Variants in MYO1H observed in about 807,000 individuals in gnomAD.
The protein encoded by MYO1H is unconventional myosin-Ih.
In MYO1H, 118 loss-of-function variants were observed where a neutral mutation model predicts 149.3. That is an observed-to-expected ratio of 0.79 (90% CI 0.68 to 0.92). The LOEUF (loss-of-function observed/expected upper bound fraction) is 0.92, where lower values mean the gene tolerates loss of function less well. MYO1H is among the 40% of genes least tolerant of loss of function. The probability of loss-of-function intolerance (pLI) is 0.00; values close to 1 mark genes in which losing one functional copy is unlikely to be tolerated. For synonymous variants in MYO1H, 447 were observed against 465.2 expected, an observed-to-expected ratio of 0.96 and a Z score of 0.50; for missense variants, 1,212 against 1,280.7, an observed-to-expected ratio of 0.95 and a Z score of 0.82.
At chr12:109,353,387 C>A (rs1868506567) in intron 1 of MYO1H, among the ~76,000 whole-genome samples, 1 of 45,598 alleles carries the variant, frequency 2.2e-5, no homozygotes, top group Non-Finnish European at 3.8e-5. Flanking sequence ...GAGCGAGACT[C>A]CGTCTCAAAA....
intron 1 of MYO1H, among the ~76,000 whole-genome samples, chr12:109,365,542 G>C (rs748664910): frequency 6.6e-6 from 1 of 152,196 alleles, no homozygotes; most frequent in Non-Finnish European, 1.5e-5. Context: ...AGCTTGGTTG[G>C]AGGCTGGTTG....
At chr12:109,422,848 T>C (rs11066543) in intron 16 of MYO1H, among the ~76,000 whole-genome samples, 26,953 of 151,946 alleles carry the variant, frequency 0.18, 2,808 homozygotes, top group African/African-American at 0.29. Context: ...CCGAGGTGGG[T>C]GGATCGCTTG....
chr12:109,392,641 G>A (rs976455319), intron 2 of MYO1H, among the ~76,000 whole-genome samples: 6 of 151,708 alleles, frequency 4.0e-5, no homozygotes, highest in African/African-American at 1.5e-4. Flanking sequence ...ACTTGAACCT[G>A]GGAGGCAGAG....
intron 5 of MYO1H, among the ~76,000 whole-genome samples, chr12:109,398,587 A>C (rs940830893): frequency 2.0e-5 from 3 of 151,862 alleles, no homozygotes; most frequent in Non-Finnish European, 2.9e-5. Flanking sequence ...CTCTAAAAAA[A>C]AAAATACAAA....
chr12:109,407,854 G>A lies in MYO1H; in HGVS notation c.1096G>A (p.Val366Ile). 6.2e-7 allele frequency: 1 copy of A among 1,614,012 alleles called. No homozygotes were observed. The highest frequency in any genetic ancestry group is 8.5e-7 in the Non-Finnish European group (1 of 1,179,882). The change falls in exon 10 of 32, where the codon GTT (valine) becomes ATT (isoleucine). Residue 366 changes from valine to isoleucine, a missense_variant. Transcript: ENST00000310903. Reference sequence around the variant, plus strand: ...CGCTAGAGATGCAATGGCAAAGGCTGTTTATGGACGAACGTTTACTTGGCT... The same window carrying A: ...CGCTAGAGATGCAATGGCAAAGGCTATTTATGGACGAACGTTTACTTGGCT...
intron 7 of MYO1H, 117 bp from the exon 8 acceptor site, chr12:109,405,805 T>G (rs1870353595): frequency 1.4e-6 from 1 of 719,070 alleles, no homozygotes; most frequent in Admixed American, 2.3e-5. Flanking sequence ...GGTGTGGAAT[T>G]GGGACGGGGG....
intron 1 of MYO1H, among the ~76,000 whole-genome samples, chr12:109,374,904 G>A (rs1869057765): frequency 6.6e-6 from 1 of 151,730 alleles, no homozygotes; most frequent in Non-Finnish European, 1.5e-5. Flanking sequence ...GCCCAGGCTG[G>A]AGTGTAGTGG....
chr12:109,347,204 A>G (rs545291713), upstream of MYO1H, among the ~76,000 whole-genome samples: 1 of 152,274 alleles, frequency 6.6e-6, no homozygotes, highest in African/African-American at 2.4e-5. Context: ...TGGGGGCCCA[A>G]GGCATACAAT....
At chr12:109,384,088 C>A (rs973446270) in intron 1 of MYO1H, among the ~76,000 whole-genome samples, 1 of 152,168 alleles carries the variant, frequency 6.6e-6, no homozygotes, top group African/African-American at 2.4e-5. Flanking sequence ...CTTAAATAAT[C>A]GGAAGTTCTG....
chr12:109,416,113 TTTTG>T (rs1002187044), intron 15 of MYO1H, among the ~76,000 whole-genome samples: 3 of 151,938 alleles, frequency 2.0e-5, no homozygotes, highest in South Asian at 2.1e-4. Context: ...CAGCTAATTT[TTTTG>T]TTTGTTTGTT....
chr12:109,367,884 C>T (rs184819953), intron 1 of MYO1H, among the ~76,000 whole-genome samples: 49 of 151,940 alleles, frequency 3.2e-4, no homozygotes, highest in Non-Finnish European at 6.5e-4. Context: ...GACAAGGTCT[C>T]GCTTTGTCAC....
At chr12:109,409,246 C>CTTTTTTTT (rs66507410) in intron 10 of MYO1H, among the ~76,000 whole-genome samples, 238 of 47,868 alleles carry the variant, frequency 5.0e-3, no homozygotes, top group Middle Eastern at 0.013. Flanking sequence ...TCTTCTTCTT[C>CTTTTTTTT]TTTTTTTTTT....
chr12:109,416,360 G>A lies in MYO1H; in HGVS notation c.1597+740G>A, dbSNP rs948254775. On this transcript the variant is annotated intron_variant, in intron 15 of 31. Coordinates refer to ENST00000310903, the Ensembl canonical transcript of MYO1H. Reference sequence around the variant, plus strand: ...AGCTGATCTACCTTCCCTCTCTATAGATTTGACTGTTGTTGTTGGTTTTTT... The same window carrying A: ...AGCTGATCTACCTTCCCTCTCTATAAATTTGACTGTTGTTGTTGGTTTTTT... 8.8e-5 allele frequency among the ~76,000 whole-genome samples: 13 copies of A among 148,000 alleles called. 1 individual carries two copies. In the South Asian group the frequency reaches 1.9e-3, roughly 22 times the overall value.
At chr12:109,433,253 G>A (rs560028072) in intron 20 of MYO1H, among the ~76,000 whole-genome samples, 2 of 152,196 alleles carry the variant, frequency 1.3e-5, no homozygotes, top group Non-Finnish European at 2.9e-5. Flanking sequence ...TTTAGCAGAT[G>A]GGCCTCCTTG....
At position 109,388,852 on chromosome 12, in the gene MYO1H, G is replaced by C; in HGVS notation, c.174+8G>C. ...AGCGAGAACCTCATATACGTAACGT[G>C]ACCCACTTCTCAGCTGTTTTTCTAG... On this transcript the variant is annotated splice_region_variant and intron_variant, in intron 2 of 31. Transcript: ENST00000310903. 1 of 1,597,572 alleles carries C rather than the reference G, an allele frequency of 6.3e-7. No homozygotes were observed. The highest frequency in any genetic ancestry group is 8.5e-7 in the Non-Finnish European group (1 of 1,169,980).
chr12:109,403,964 C>A lies in MYO1H; in HGVS notation c.751-18C>A. On this transcript the variant is annotated intron_variant, in intron 6 of 31. Coordinates refer to ENST00000310903, the Ensembl canonical transcript of MYO1H. The stretch of plus-strand genomic sequence containing the variant: ...CCTATAAAAATGACATTAAGTGACT[C>A]AAACTTTTTGTCAACAGGGTCATTG... 6.3e-7 allele frequency: 1 copy of A among 1,593,116 alleles called. No homozygotes were observed. The highest frequency in any genetic ancestry group is 1.1e-5 in the South Asian group (1 of 89,880).
At chr12:109,443,571 C>T (rs746536246) in exon 28 of MYO1H, 4 of 1,613,842 alleles carry the variant, frequency 2.5e-6, no homozygotes, top group South Asian at 1.1e-5. Flanking sequence ...GCAGCGGCAA[C>T]TCATTCTTAC....
chr12:109,425,547 G>A (rs528405192), intron 17 of MYO1H, among the ~76,000 whole-genome samples: 1 of 152,280 alleles, frequency 6.6e-6, no homozygotes, highest in South Asian at 2.1e-4. Context: ...TCTAGTGGGA[G>A]AGAGTATAAG....
intron 14 of MYO1H, among the ~76,000 whole-genome samples, chr12:109,415,317 A>C (rs917968340): frequency 3.9e-5 from 6 of 152,044 alleles, no homozygotes; most frequent in Non-Finnish European, 5.9e-5. Flanking sequence ...TCTACTAAAA[A>C]TACAAAAATT....
Sources: allele counts gnomAD v4.1 joint callset (sites outside exome capture counted in the v4.1 genomes callset), GRCh38; gene constraint gnomAD v4.1.1; transcripts MANE v1.5; gene names NCBI Gene and HGNC (gene_info 2026-07-23, HGNC 2026-07-21).